The following COG5 variants were observed in gnomAD, a reference collection of about 807,000 sequenced individuals.
COG5 encodes the protein conserved oligomeric Golgi complex subunit 5.
A neutral mutation model predicts 110.4 loss-of-function variants in COG5; 86 were observed. That is an observed-to-expected ratio of 0.78 (90% CI 0.65 to 0.93). The LOEUF is 0.93. COG5 is among the 40% of genes least tolerant of loss of function. The pLI, the probability that COG5 is intolerant of heterozygous loss-of-function variation, is 0.00. For synonymous variants in COG5, 360 were observed against 334.6 expected (o/e 1.08, Z -0.83); for missense variants, 1,077 against 987.0 (o/e 1.09, Z -1.22).
chr7:107,433,413 C>G (rs1189769205), intron 6 of COG5, among the ~76,000 whole-genome samples: 1 of 152,114 alleles, frequency 6.6e-6, no homozygotes, highest in African/African-American at 2.4e-5. Context: ...AGTTTCACAC[C>G]TGCTGGCTTC....
At position 107,554,299 on chromosome 7, in the gene COG5, A is replaced by G; in HGVS notation, c.278T>C (p.Ile93Thr). Residue 93 changes from isoleucine (I) to threonine (T), a missense_variant, in exon 3 of 22, where the codon ATT becomes ACT. Coordinates refer to ENST00000297135, the MANE Select transcript of COG5 (RefSeq NM_006348.5). Reference sequence around the variant, plus strand: ...TAGAAATATACCTTCCAACGACTCAATCCCAGTTGCTTGTGCCAGTAAATC... The same window carrying G: ...TAGAAATATACCTTCCAACGACTCAGTCCCAGTTGCTTGTGCCAGTAAATC... ...HEDLLAQATG[I>T]ESLEGVLQMM... 1 of 1,613,938 alleles carries G rather than the reference A, an allele frequency of 6.2e-7. No homozygotes were observed.
chr7:107,554,627 G>A (rs919979889), intron 2 of COG5, among the ~76,000 whole-genome samples: 1 of 152,174 alleles, frequency 6.6e-6, no homozygotes, highest in African/African-American at 2.4e-5. Flanking sequence ...TTTACAAACA[G>A]AAGAAATTTA....
chr7:107,502,549 G>C (rs1798704274), intron 6 of COG5, among the ~76,000 whole-genome samples: 1 of 152,078 alleles, frequency 6.6e-6, no homozygotes, highest in African/African-American at 2.4e-5. Context: ...TAGTGGGATT[G>C]CTGGATTGAA....
chr7:107,362,563 AC>A (rs1813219195), intron 8 of COG5, 143 bp from the exon 9 acceptor site: 1 of 657,382 alleles, frequency 1.5e-6, no homozygotes, highest in Non-Finnish European at 2.7e-6. Context: ...AAGAATCTTA[AC>A]CTTTTATGCT....
intron 12 of COG5, among the ~76,000 whole-genome samples, chr7:107,284,807 ATAAT>A (rs1158819260): frequency 9.2e-5 from 14 of 152,182 alleles, no homozygotes; most frequent in African/African-American, 1.7e-4. Context: ...CCTTACTCCT[ATAAT>A]TAATTGTCTT....
intron 16 of COG5, among the ~76,000 whole-genome samples, chr7:107,255,694 T>C (rs1584580207): frequency 6.6e-6 from 1 of 152,144 alleles, no homozygotes. Context: ...TGTAGGCTTA[T>C]TGTACCATTT....
At chr7:107,396,341 T>C (rs1471792175) in intron 7 of COG5, among the ~76,000 whole-genome samples, 1 of 152,178 alleles carries the variant, frequency 6.6e-6, no homozygotes, top group Non-Finnish European at 1.5e-5. Flanking sequence ...TCAGCTAACC[T>C]AATATAATTA....
intron 6 of COG5, among the ~76,000 whole-genome samples, chr7:107,524,834 A>C (rs116415657): frequency 6.6e-6 from 1 of 152,218 alleles, no homozygotes; most frequent in African/African-American, 2.4e-5. Flanking sequence ...CTTTAGGTAA[A>C]GCCAACAGCA....
chr7:107,345,097 A>C (rs1811485759), intron 10 of COG5, among the ~76,000 whole-genome samples: 1 of 152,130 alleles, frequency 6.6e-6, no homozygotes, highest in South Asian at 2.1e-4. Flanking sequence ...GTGTCTCAGG[A>C]AACAGGGAAG....
intron 7 of COG5, among the ~76,000 whole-genome samples, chr7:107,395,718 C>T (rs1273302935): frequency 6.6e-6 from 1 of 151,880 alleles, no homozygotes; most frequent in Non-Finnish European, 1.5e-5. Flanking sequence ...CCACGCCTGG[C>T]TAATCTTTGT....
At chr7:107,270,168 A>G (rs1804130168) in intron 14 of COG5, among the ~76,000 whole-genome samples, 2 of 152,112 alleles carry the variant, frequency 1.3e-5, no homozygotes, top group South Asian at 4.1e-4. Flanking sequence ...AAAATCTTGC[A>G]TATGGTAAAA....
intron 5 of COG5, among the ~76,000 whole-genome samples, chr7:107,531,154 A>G (rs1037879006): frequency 6.6e-6 from 1 of 151,652 alleles, no homozygotes; most frequent in African/African-American, 2.4e-5. Context: ...TTTGTTGAAT[A>G]TATTGGATCA....
chr7:107,256,622 G>A lies in COG5; in HGVS notation c.1749+110C>T, dbSNP rs1802898950. On this transcript the variant is annotated intron_variant, in intron 16 of 21. Coordinates refer to ENST00000297135, the MANE Select transcript of COG5 (RefSeq NM_006348.5). ...GGATAATTATCAACATGCTACTTTT[G>A]TATATATAGAGGATTCTGAATTATT... 5 of 713,830 alleles carry A rather than the reference G, an allele frequency of 7.0e-6. No homozygotes were observed. In the Admixed American group the frequency reaches 9.0e-5, roughly 13 times the overall value. The allele number at this position is 713,830 out of a possible 1,614,324, so 44.2% of individuals were successfully genotyped here.
chr7:107,322,342 A>T (rs1416229027), intron 11 of COG5, among the ~76,000 whole-genome samples: 1 of 152,220 alleles, frequency 6.6e-6, no homozygotes, highest in Non-Finnish European at 1.5e-5. Flanking sequence ...TGAACCAGGA[A>T]GCAGGCCCTC....
At chr7:107,291,608 A>AT (rs1189752316) in intron 12 of COG5, among the ~76,000 whole-genome samples, 9 of 151,820 alleles carry the variant, frequency 5.9e-5, no homozygotes, top group Admixed American at 6.6e-5. Flanking sequence ...TATCTTCCTC[A>AT]TTTTTTTTCT....
chr7:107,474,289 A>G lies in COG5; in HGVS notation c.538+52948T>C, dbSNP rs757666894. The G allele has an allele frequency of 6.2e-7, 1 of 1,611,524 alleles. No homozygotes were observed. Among genetic ancestry groups the G allele is most frequent in the East Asian group, 2.2e-5 (1 of 44,838 alleles). ...GAAATCCAACTTAATCAACTCTGTC[A>G]GTAACATTATTACAATGAATCTTCA... On this transcript the variant is annotated intron_variant, in intron 6 of 21. Coordinates refer to ENST00000297135, the MANE Select transcript of COG5 (RefSeq NM_006348.5). The surrounding 1 kb of genome is among the most constrained non-coding windows in gnomAD (Gnocchi z 5.7).
chr7:107,436,731 T>C (rs1039875371), intron 6 of COG5, among the ~76,000 whole-genome samples: 2 of 152,108 alleles, frequency 1.3e-5, no homozygotes, highest in East Asian at 1.9e-4. Context: ...AAAACTAAAA[T>C]TGAATTAAAA....
intron 12 of COG5, among the ~76,000 whole-genome samples, chr7:107,288,911 TATATATATATA>T: frequency 2.0e-4 from 1 of 4,892 alleles, no homozygotes; most frequent in South Asian, 5.1e-3. Flanking sequence ...AACAGAGATA[TATATATATATA>T]TATATATATA....
Position 107,444,937 on chromosome 7 carries a change from T to C in COG5, c.539-32305A>G, listed in dbSNP as rs189633210. Among the ~76,000 whole-genome samples, 675 of 152,226 alleles carry C rather than the reference T, an allele frequency of 4.4e-3. 6 individuals are homozygous for C. The highest frequency in any genetic ancestry group is 0.022 in the Admixed American group (332 of 15,290). On this transcript the variant is annotated intron_variant, in intron 6 of 21. Transcript: ENST00000297135. ...GCGTAGTGGCTCATGCCTGTAATCC[T>C]AGCACTTTGGGAGGCCAAGGCGGGG...
Sources: allele counts gnomAD v4.1 joint callset (sites outside exome capture counted in the v4.1 genomes callset), GRCh38; gene constraint gnomAD v4.1.1; non-coding constraint Gnocchi (gnomAD v3.1); transcripts MANE v1.5; gene names NCBI Gene and HGNC (gene_info 2026-07-23, HGNC 2026-07-21).